Variants in KCNB2 observed in about 807,000 individuals in gnomAD.
The protein encoded by KCNB2 is delayed rectifier potassium channel protein.
Under a neutral mutation model 61.5 loss-of-function variants are expected in KCNB2, and 15 were observed. The ratio of observed to expected loss-of-function variants is 0.24; its 90% CI spans 0.16 to 0.38. KCNB2 has a LOEUF of 0.38. Among genes scored for constraint, KCNB2 ranks in the 10% least tolerant of loss-of-function variants. The pLI is 1.00. For missense variants in KCNB2, 828 were observed against 1,125.2 expected (o/e 0.74, Z 3.78); for synonymous variants, 457 against 446.0 (o/e 1.02, Z -0.31).
chr8:72,678,936 G>A (rs1806707161), intron 2 of KCNB2, among the ~76,000 whole-genome samples: 1 of 152,172 alleles, frequency 6.6e-6, no homozygotes, highest in South Asian at 2.1e-4. Context: ...ATGGGTCTCT[G>A]TGCAGATTCT....
chr8:72,896,943 G>A (rs953850587), intron 2 of KCNB2, among the ~76,000 whole-genome samples: 1 of 152,016 alleles, frequency 6.6e-6, no homozygotes, highest in Non-Finnish European at 1.5e-5. Context: ...ATTGCTTTTT[G>A]TTGTTGTTGT....
intron 2 of KCNB2, among the ~76,000 whole-genome samples, chr8:72,665,579 C>G (rs1402670600): frequency 8.2e-6 from 1 of 121,420 alleles, no homozygotes. Flanking sequence ...GGAAAAATCT[C>G]TTATTCACCA....
chr8:72,593,886 A>G (rs1225382556), intron 2 of KCNB2, among the ~76,000 whole-genome samples: 1 of 152,174 alleles, frequency 6.6e-6, no homozygotes, highest in Non-Finnish European at 1.5e-5. Flanking sequence ...TTGGGCTTAT[A>G]GGAAGAACAT....
intron 2 of KCNB2, among the ~76,000 whole-genome samples, chr8:72,886,646 G>T (rs1214301136): frequency 6.6e-6 from 1 of 152,176 alleles, no homozygotes; most frequent in African/African-American, 2.4e-5. Context: ...AGCTCATTCA[G>T]CTTATCCCCA....
chr8:72,548,754 G>A (rs901693919), intron 1 of KCNB2, among the ~76,000 whole-genome samples: 1 of 151,824 alleles, frequency 6.6e-6, no homozygotes, highest in Admixed American at 6.6e-5. Flanking sequence ...TTTGCTTTCT[G>A]TCAGTTACAC....
intron 2 of KCNB2, among the ~76,000 whole-genome samples, chr8:72,828,887 A>G (rs1442040238): frequency 6.6e-6 from 1 of 151,932 alleles, no homozygotes; most frequent in Non-Finnish European, 1.5e-5. Context: ...ACCGCCTTGT[A>G]TTTCTGATTC....
At chr8:72,649,198 C>G (rs1335842762) in intron 2 of KCNB2, among the ~76,000 whole-genome samples, 1 of 152,124 alleles carries the variant, frequency 6.6e-6, no homozygotes, top group Non-Finnish European at 1.5e-5. Flanking sequence ...TCATAGCTTT[C>G]AGAACTTTTT....
chr8:72,861,169 T>G (rs539831276), intron 2 of KCNB2, among the ~76,000 whole-genome samples: 1 of 28,754 alleles, frequency 3.5e-5, no homozygotes, highest in African/African-American at 1.0e-4. Context: ...CTTTTCAGCT[T>G]AAGTGTCTGA....
rs140775880 is a variant in KCNB2, at chr8:72,900,523, G to A, written c.580-35412G>A. Among the ~76,000 whole-genome samples the A allele has an allele frequency of 6.2e-3, 950 of 152,246 alleles. 9 individuals are homozygous for A. Among genetic ancestry groups the A allele is most frequent in the African/African-American group, 0.022 (897 of 41,546 alleles). ...AACTTAATTAAACTAAAGAGCTTCAGCACAGCAAAAGAAACTATCAGCAGA... is the reference window on the plus strand; with the variant it reads ...AACTTAATTAAACTAAAGAGCTTCAACACAGCAAAAGAAACTATCAGCAGA... On this transcript the variant is annotated intron_variant, in intron 2 of 2. Transcript: ENST00000523207.
chr8:72,568,336 T>G, intron 2 of KCNB2, 23 bp downstream of exon 2: 1 of 1,566,864 alleles, frequency 6.4e-7, no homozygotes, highest in Non-Finnish European at 8.7e-7. Flanking sequence ...TAGTATTGCT[T>G]GCCTGTGTGT....
At chr8:72,571,268 C>CTA (rs1806704334) in intron 2 of KCNB2, among the ~76,000 whole-genome samples, 1 of 152,050 alleles carries the variant, frequency 6.6e-6, no homozygotes, top group Non-Finnish European at 1.5e-5. Context: ...GTCAACTGAC[C>CTA]TATTATTTTT....
At chr8:72,829,749 A>G (rs950688097) in intron 2 of KCNB2, among the ~76,000 whole-genome samples, 2 of 152,066 alleles carry the variant, frequency 1.3e-5, no homozygotes, top group East Asian at 1.9e-4. Flanking sequence ...ATATTGTTCT[A>G]TTTGGCTTTG....
intron 2 of KCNB2, among the ~76,000 whole-genome samples, chr8:72,840,025 A>G (rs1441985135): frequency 6.6e-6 from 1 of 151,578 alleles, no homozygotes; most frequent in Non-Finnish European, 1.5e-5. Flanking sequence ...CCCATCATCT[A>G]CATTAGGTAT....
At chr8:72,769,775 C>T (rs1388536201) in intron 2 of KCNB2, among the ~76,000 whole-genome samples, 1 of 152,112 alleles carries the variant, frequency 6.6e-6, no homozygotes, top group East Asian at 1.9e-4. Flanking sequence ...TTGTGAATTT[C>T]TGGGAGGTTG....
intron 2 of KCNB2, among the ~76,000 whole-genome samples, chr8:72,632,370 C>G (rs753066649): frequency 4.6e-5 from 7 of 152,218 alleles, no homozygotes; most frequent in Non-Finnish European, 8.8e-5. Context: ...CACAGCCACA[C>G]TCACTCATTT....
At chr8:72,736,902 T>C (rs1301440603) in intron 2 of KCNB2, among the ~76,000 whole-genome samples, 2 of 152,294 alleles carry the variant, frequency 1.3e-5, no homozygotes, top group East Asian at 3.9e-4. Flanking sequence ...TTGGAAGATA[T>C]GCTCCTTGAA....
At chr8:72,602,731 C>T (rs909106535) in intron 2 of KCNB2, among the ~76,000 whole-genome samples, 2 of 152,134 alleles carry the variant, frequency 1.3e-5, no homozygotes, top group African/African-American at 4.8e-5. Flanking sequence ...TGGTTGAATT[C>T]AGCTGACAGT....
chr8:72,599,466 T>G (rs1006334637), intron 2 of KCNB2, among the ~76,000 whole-genome samples: 6 of 152,176 alleles, frequency 3.9e-5, no homozygotes, highest in African/African-American at 1.4e-4. Flanking sequence ...GATAAAAGAC[T>G]TAAATGTTAG....
chr8:72,630,257 A>C (rs1805858506), intron 2 of KCNB2, among the ~76,000 whole-genome samples: 1 of 152,204 alleles, frequency 6.6e-6, no homozygotes. Context: ...CCATGGTTAT[A>C]GGAATTTAGT....
Sources: allele counts gnomAD v4.1 joint callset (sites outside exome capture counted in the v4.1 genomes callset), GRCh38; gene constraint gnomAD v4.1.1; transcripts MANE v1.5; gene names NCBI Gene and HGNC (gene_info 2026-07-23, HGNC 2026-07-21).